The following PAM variants were observed in gnomAD, a reference collection of about 807,000 sequenced individuals.
The protein encoded by PAM is peptidyl-glycine alpha-amidating monooxygenase.
Under a neutral mutation model 122.1 loss-of-function variants are expected in PAM, and 72 were observed. That is an observed-to-expected ratio of 0.59 (90% CI 0.49 to 0.72). The LOEUF is 0.72. PAM is among the 30% of genes least tolerant of loss of function. PAM has a pLI of 0.00. For synonymous variants in PAM, 389 were observed against 404.4 expected (o/e 0.96, Z 0.46); for missense variants, 1,106 against 1,183.7 (o/e 0.93, Z 0.96).
At chr5:102,801,578 T>A (rs1764702682) in intron 1 of PAM, among the ~76,000 whole-genome samples, 1 of 152,286 alleles carries the variant, frequency 6.6e-6, no homozygotes, top group Non-Finnish European at 1.5e-5. Context: ...AAAACCTTGC[T>A]TCCTTCAGAA....
intron 12 of PAM, among the ~76,000 whole-genome samples, chr5:102,958,903 T>C (rs1300381738): frequency 6.6e-6 from 1 of 152,148 alleles, no homozygotes; most frequent in Admixed American, 6.6e-5. Context: ...TTTATTAGTG[T>C]AGGCTTGCTA....
intron 1 of PAM, among the ~76,000 whole-genome samples, chr5:102,789,303 T>C (rs1761431564): frequency 6.6e-6 from 1 of 152,086 alleles, no homozygotes. Context: ...CCCAAAAGAA[T>C]TGAATGCAGA....
chr5:102,918,534 A>G (rs1200416766), intron 5 of PAM, among the ~76,000 whole-genome samples: 3 of 152,088 alleles, frequency 2.0e-5, no homozygotes, highest in Admixed American at 1.3e-4. Context: ...GTAAATTTAA[A>G]TTTACTTAAA....
At chr5:102,915,265 T>G (rs1325243700) in intron 5 of PAM, among the ~76,000 whole-genome samples, 1 of 152,124 alleles carries the variant, frequency 6.6e-6, no homozygotes, top group Non-Finnish European at 1.5e-5. Context: ...ATTAGCCTGA[T>G]GTGAGTCAAG....
intron 1 of PAM, among the ~76,000 whole-genome samples, chr5:102,758,073 G>GTTTT (rs1168917285): frequency 4.9e-3 from 121 of 24,798 alleles, no homozygotes; most frequent in Middle Eastern, 0.025. Flanking sequence ...TTAGAATTTT[G>GTTTT]TTTTTTTTTT....
At chr5:102,951,069 G>A (rs1348317070) in intron 12 of PAM, among the ~76,000 whole-genome samples, 1 of 151,832 alleles carries the variant, frequency 6.6e-6, no homozygotes, top group East Asian at 1.9e-4. Flanking sequence ...AAATATTACA[G>A]TTATCAAAGA....
intron 3 of PAM, among the ~76,000 whole-genome samples, chr5:102,890,274 C>A (rs1352068564): frequency 6.6e-6 from 1 of 151,798 alleles, no homozygotes. Flanking sequence ...TGTCTCTCTT[C>A]TTGTAATGTT....
intron 1 of PAM, among the ~76,000 whole-genome samples, chr5:102,848,693 C>A (rs533494775): frequency 6.6e-6 from 1 of 152,124 alleles, no homozygotes; most frequent in Non-Finnish European, 1.5e-5. Flanking sequence ...AGAACTGAAA[C>A]TAGAAAATGG....
At chr5:102,906,623 C>G (rs1185879548) in intron 4 of PAM, among the ~76,000 whole-genome samples, 2 of 151,686 alleles carry the variant, frequency 1.3e-5, no homozygotes, top group Non-Finnish European at 2.9e-5. Flanking sequence ...TTCCTGAAGG[C>G]TCATCTATTT....
intron 1 of PAM, among the ~76,000 whole-genome samples, chr5:102,816,984 T>C (rs562605848): frequency 2.0e-5 from 3 of 152,120 alleles, no homozygotes; most frequent in Non-Finnish European, 4.4e-5. Flanking sequence ...TGCTCTTCTA[T>C]TTCCTATCTC....
intron 1 of PAM, among the ~76,000 whole-genome samples, chr5:102,783,725 A>T (rs956844379): frequency 2.0e-5 from 3 of 152,178 alleles, no homozygotes; most frequent in Non-Finnish European, 4.4e-5. Flanking sequence ...TGCATGCAGC[A>T]GTATGAGGGC....
In PAM at chr5:102,914,020, TG is replaced by T; in HGVS notation, c.356+1del. 1 of 1,527,040 alleles carries T rather than the reference TG, an allele frequency of 6.5e-7. No individual in the cohort carries two copies. The highest frequency in any genetic ancestry group is 9.1e-7 in the Non-Finnish European group (1 of 1,100,806). 94.6% of individuals were successfully genotyped at this position (1,527,040 alleles called of 1,614,324 possible). ...TATGCCTTCATCCACTGGAAGTTACTGGTAAGGATAATGGGTTTACAGTATA... is the reference window on the plus strand; with the variant it reads ...TATGCCTTCATCCACTGGAAGTTACTGTAAGGATAATGGGTTTACAGTATA... Reference protein sequence around the residue: ...CNMPSSTGSYWFCDEGTCTDK... With the variant: ...CNMPSSTGSYXFCDEGTCTDK... On this transcript the variant is annotated frameshift_variant and splice_region_variant, in exon 5 of 26. Coordinates refer to ENST00000438793, the MANE Select transcript of PAM (RefSeq NM_001177306.2). LOFTEE classifies it high-confidence loss of function.
intron 12 of PAM, among the ~76,000 whole-genome samples, chr5:102,953,608 G>T (rs190298130): frequency 6.8e-4 from 103 of 152,260 alleles, no homozygotes; most frequent in African/African-American, 2.4e-3. Flanking sequence ...GTTTCAGATA[G>T]ACAGGAGGAA....
At chr5:102,906,772 G>A (rs548148398) in intron 4 of PAM, among the ~76,000 whole-genome samples, 297 of 151,816 alleles carry the variant, frequency 2.0e-3, no homozygotes, top group Middle Eastern at 0.01. Flanking sequence ...TGGATGTAAA[G>A]ATTGCCATAT....
chr5:102,794,967 A>T (rs1353961897), intron 1 of PAM, among the ~76,000 whole-genome samples: 4 of 151,982 alleles, frequency 2.6e-5, no homozygotes, highest in Non-Finnish European at 5.9e-5. Context: ...AGGCTCGCAG[A>T]TCACTTGTGC....
intron 1 of PAM, among the ~76,000 whole-genome samples, chr5:102,813,075 G>GA (rs1032189821): frequency 6.1e-4 from 87 of 143,242 alleles, no homozygotes; most frequent in South Asian, 2.2e-3. Flanking sequence ...TTGCTTATTT[G>GA]AAAAAAAAAA....
At chr5:103,004,458 TAAG>T (rs1778344139) in intron 17 of PAM, among the ~76,000 whole-genome samples, 1 of 152,208 alleles carries the variant, frequency 6.6e-6, no homozygotes, top group Admixed American at 6.5e-5. Context: ...AACACTACAC[TAAG>T]ATTAGAAGCT....
At chr5:102,888,280 C>T (rs1261673688) in intron 3 of PAM, among the ~76,000 whole-genome samples, 1 of 151,944 alleles carries the variant, frequency 6.6e-6, no homozygotes, top group East Asian at 1.9e-4. Context: ...ACTTCCTGGT[C>T]TGTTCCAGCT....
intron 16 of PAM, among the ~76,000 whole-genome samples, chr5:103,002,620 C>T (rs1582781509): frequency 6.6e-6 from 1 of 152,278 alleles, no homozygotes; most frequent in South Asian, 2.1e-4. Flanking sequence ...TAAAATAAGT[C>T]ATATTTTCTT....
Sources: gnomAD v4.1 joint callset for allele counts (sites outside exome capture counted in the v4.1 genomes callset) on GRCh38, gnomAD v4.1.1 for gene constraint, MANE v1.5 for transcripts, NCBI Gene and HGNC (gene_info 2026-07-23, HGNC 2026-07-21) for gene names.